Variants in ARHGEF7 observed in about 807,000 individuals in gnomAD.
ARHGEF7 encodes Rho guanine nucleotide exchange factor 7.
Under a neutral mutation model 109.8 loss-of-function variants are expected in ARHGEF7, and 33 were observed. The ratio of observed to expected loss-of-function variants is 0.30; its 90% CI spans 0.23 to 0.40. The LOEUF is 0.40. Ranked by LOEUF, ARHGEF7 falls within the 10% of genes least tolerant of loss-of-function variation. The probability of loss-of-function intolerance (pLI) is 1.00; values close to 1 mark genes in which losing one functional copy is unlikely to be tolerated. For missense variants in ARHGEF7, 938 were observed against 1,098.5 expected, an observed-to-expected ratio of 0.85 and a Z score of 2.07; for synonymous variants, 458 against 424.6, an observed-to-expected ratio of 1.08 and a Z score of -0.97.
chr13:111,267,450 G>T, intron 8 of ARHGEF7, 98 bp from the exon 9 acceptor site: 1 of 1,489,548 alleles, frequency 6.7e-7, no homozygotes. Context: ...GGGTGCAGAG[G>T]GAGGTTTTCC....
At position 111,283,190 on chromosome 13, in the gene ARHGEF7, G is replaced by A. The variant is rs1348495090; in HGVS notation, c.1777G>A (p.Ala593Thr). Residue 593 changes from alanine to threonine, a missense_variant, in exon 16 of 22, where the codon GCG becomes ACG. By Grantham distance (58) the Ala-to-Thr change is moderately conservative. This residue lies in a region of ARHGEF7 where 585 missense variants were observed against 723.6 expected (regional missense o/e 0.81). Coordinates refer to ENST00000646102, the MANE Select transcript of ARHGEF7 (RefSeq NM_001354046.2). ...PSSKHADSKP[A>T]PLTPAYHTLP... is the part of the protein sequence containing the mutation. ...CAGCAAGCACGCAGACAGCAAGCCCGCGCCGCTGACGCCCGCCTACCACAC... is the reference window on the plus strand; with the variant it reads ...CAGCAAGCACGCAGACAGCAAGCCCACGCCGCTGACGCCCGCCTACCACAC... The A allele has an allele frequency of 6.3e-6, 10 of 1,597,306 alleles. No individual in the cohort carries two copies. The highest frequency in any genetic ancestry group is 7.7e-6 in the Non-Finnish European group (9 of 1,173,250).
chr13:111,176,897 C>T (rs909683796), intron 2 of ARHGEF7, among the ~76,000 whole-genome samples: 2 of 152,222 alleles, frequency 1.3e-5, no homozygotes, highest in Non-Finnish European at 2.9e-5. Flanking sequence ...GCTGGGACTA[C>T]AGGCGTGTAC....
chr13:111,216,758 C>A (rs989170290), intron 4 of ARHGEF7, among the ~76,000 whole-genome samples: 3 of 152,162 alleles, frequency 2.0e-5, no homozygotes, highest in Admixed American at 2.0e-4. Flanking sequence ...GCCAGGCGGC[C>A]CTTTTCTTGC....
chr13:111,207,822 T>C (rs1379473377), intron 3 of ARHGEF7, among the ~76,000 whole-genome samples: 1 of 152,236 alleles, frequency 6.6e-6, no homozygotes, highest in Non-Finnish European at 1.5e-5. Context: ...CTCTACCTTA[T>C]GGAAATGTAT....
At chr13:111,138,027 G>A (rs2075164879) in intron 1 of ARHGEF7, among the ~76,000 whole-genome samples, 1 of 152,152 alleles carries the variant, frequency 6.6e-6, no homozygotes, top group Non-Finnish European at 1.5e-5. Context: ...CAAAAACACA[G>A]CTGGGGCCAG....
intron 2 of ARHGEF7, among the ~76,000 whole-genome samples, chr13:111,167,492 ACTGT>A (rs2077221597): frequency 6.6e-6 from 1 of 152,066 alleles, no homozygotes. Context: ...TTAGTTAATA[ACTGT>A]CTAAGATGAG....
chr13:111,255,847 G>A lies in ARHGEF7; in HGVS notation c.950+11553G>A, dbSNP rs141392926. Among the ~76,000 whole-genome samples, 2 of 152,300 alleles carry A rather than the reference G, an allele frequency of 1.3e-5. No homozygotes were observed. The highest frequency in any genetic ancestry group is 3.9e-4 in the East Asian group (2 of 5,186). The stretch of plus-strand genomic sequence containing the variant: ...GTCATGGTGCTTTCTTTTCAGTGCT[G>A]CGTTTCTCTTGGCTCTGTCGTTTGG... On this transcript the variant is annotated intron_variant, in intron 8 of 21. Transcript: ENST00000646102. This position sits in a 1 kb window ranked among gnomAD's most constrained non-coding sequence, Gnocchi z 4.1.
intron 8 of ARHGEF7, among the ~76,000 whole-genome samples, chr13:111,262,287 C>G (rs2091176169): frequency 6.6e-6 from 1 of 152,204 alleles, no homozygotes; most frequent in Non-Finnish European, 1.5e-5. Context: ...TTCAGACTCA[C>G]TAGAGGCTAC....
At position 111,292,162 on chromosome 13, in the gene ARHGEF7, G is replaced by A; in HGVS notation, c.2179G>A (p.Asp727Asn). 1 of 1,613,574 alleles carries A rather than the reference G, an allele frequency of 6.2e-7. No homozygotes were observed. The highest frequency in any genetic ancestry group is 8.5e-7 in the Non-Finnish European group (1 of 1,180,016). Residue 727 changes from aspartate (D) to asparagine (N), a missense_variant, in exon 19 of 22, where the codon GAT becomes AAT. Transcript: ENST00000646102. ...GATGCATAATCACGTCTTGGCTGATGATGACCAACCAAGCCTAGACTCCCT... is the reference window on the plus strand; with the variant it reads ...GATGCATAATCACGTCTTGGCTGATAATGACCAACCAAGCCTAGACTCCCT... ...DLMHNHVLAD[D>N]DQPSLDSLGR...
intron 21 of ARHGEF7, 26 bp downstream of exon 21, chr13:111,301,558 T>A (rs536882747): frequency 5.5e-5 from 84 of 1,540,856 alleles, no homozygotes; most frequent in Admixed American, 7.1e-5. Flanking sequence ...TCTTTAAATC[T>A]TTTTTTTCTT....
rs2090337413 is a variant in ARHGEF7 at position 111,255,652 on chromosome 13, T to A, written c.950+11358T>A. 6.6e-6 allele frequency among the ~76,000 whole-genome samples: 1 copy of A among 152,242 alleles called. No homozygotes were observed. ...TTTGGAGGGCCCTGAGTGAGCTGGC[T>A]GGTGTTCGTGAAAGAAGATCTGTTT... On this transcript the variant is annotated intron_variant, in intron 8 of 21. Coordinates refer to ENST00000646102, the MANE Select transcript of ARHGEF7 (RefSeq NM_001354046.2). The surrounding 1 kb of genome is among the most constrained non-coding windows in gnomAD (Gnocchi z 4.1).
intron 5 of ARHGEF7, among the ~76,000 whole-genome samples, chr13:111,224,982 C>T (rs928866468): frequency 1.3e-5 from 2 of 152,094 alleles, no homozygotes; most frequent in African/African-American, 4.8e-5. Context: ...AGATATGGGC[C>T]CCCCGAGGCA....
intron 12 of ARHGEF7, among the ~76,000 whole-genome samples, chr13:111,276,808 G>A (rs2092512906): frequency 1.3e-5 from 2 of 152,174 alleles, no homozygotes; most frequent in African/African-American, 4.8e-5. Context: ...TATACTTGGG[G>A]AAACTAATTC....
chr13:111,134,047 G>C (rs4773329), intron 1 of ARHGEF7, among the ~76,000 whole-genome samples: 42,373 of 150,182 alleles, frequency 0.28, 7,634 homozygotes, highest in East Asian at 0.67. Flanking sequence ...GCGGTGTTTG[G>C]TTTTTTGTCC....
chr13:111,260,749 A>T (rs192719035), intron 8 of ARHGEF7, among the ~76,000 whole-genome samples: 131 of 152,368 alleles, frequency 8.6e-4, no homozygotes, highest in African/African-American at 3.1e-3. Flanking sequence ...TATCTTGAGT[A>T]GAAAGGTTAA....
At chr13:111,286,853 G>T (rs1196478991) in intron 17 of ARHGEF7, among the ~76,000 whole-genome samples, 1 of 152,216 alleles carries the variant, frequency 6.6e-6, no homozygotes, top group Non-Finnish European at 1.5e-5. Context: ...CTGGGAAGGG[G>T]TGCACGTGAA....
intron 21 of ARHGEF7, 143 bp from the exon 22 acceptor site, chr13:111,302,848 C>A: frequency 9.9e-7 from 1 of 1,010,886 alleles, no homozygotes; most frequent in Non-Finnish European, 1.4e-6. Flanking sequence ...CTTCGTGGAT[C>A]CCCACGACCT....
Position 111,213,749 on chromosome 13 carries a change from A to T in ARHGEF7, c.468+3747A>T, listed in dbSNP as rs185287212. ...AAAAAGGGAAAAAAACCCCACAATG[A>T]TAAAATAGTGATGAAATCCATCTCT... On this transcript the variant is annotated intron_variant, in intron 4 of 21. Transcript: ENST00000646102. 6.2e-4 allele frequency among the ~76,000 whole-genome samples: 95 copies of T among 152,310 alleles called. 2 individuals carry two copies. The highest frequency in any genetic ancestry group is 2.0e-3 in the African/African-American group (84 of 41,564).
At chr13:111,221,434 G>GAT (rs1393341608) in intron 5 of ARHGEF7, among the ~76,000 whole-genome samples, 109 of 1,930 alleles carry the variant, frequency 0.056, 23 homozygotes, top group Non-Finnish European at 0.15. Flanking sequence ...TCTATATATA[G>GAT]ATATATATAT....
Sources: gnomAD v4.1 joint callset for allele counts (sites outside exome capture counted in the v4.1 genomes callset) on GRCh38, gnomAD v4.1.1 for gene constraint, gnomAD v4.1.1 regional missense constraint, Gnocchi (gnomAD v3.1) non-coding constraint, MANE v1.5 for transcripts, NCBI Gene and HGNC (gene_info 2026-07-23, HGNC 2026-07-21) for gene names.